The following CDC42SE2 variants were observed in gnomAD, a reference collection of about 807,000 sequenced individuals.
CDC42SE2 encodes CDC42 small effector protein 2.
A neutral mutation model predicts 11.5 loss-of-function variants in CDC42SE2; 3 were observed. The observed-to-expected ratio is 0.26, with a 90% CI of 0.12 to 0.67. CDC42SE2 has a LOEUF of 0.67. CDC42SE2 is among the 30% of genes least tolerant of loss of function. The probability of loss-of-function intolerance (pLI) is 0.80; values close to 1 mark genes in which losing one functional copy is unlikely to be tolerated. For missense variants in CDC42SE2, 82 were observed against 106.8 expected, an observed-to-expected ratio of 0.77 and a Z score of 1.02; for synonymous variants, 33 against 34.8, an observed-to-expected ratio of 0.95 and a Z score of 0.18.
upstream of CDC42SE2, among the ~76,000 whole-genome samples, chr5:131,262,264 G>A (rs1179504832): frequency 4.0e-5 from 6 of 151,438 alleles, no homozygotes; most frequent in East Asian, 1.2e-3. Context: ...AAATAGGATT[G>A]TAGCGTATCA....
chr5:131,252,846 C>T (rs149958460), intron 1 of CDC42SE2, among the ~76,000 whole-genome samples: 166 of 152,328 alleles, frequency 1.1e-3, no homozygotes, highest in African/African-American at 3.7e-3. Flanking sequence ...TTTCAACTTT[C>T]CCTCCATTCT....
intron 3 of CDC42SE2, among the ~76,000 whole-genome samples, chr5:131,369,222 GTATATT>G (rs1316540671): frequency 1.3e-5 from 2 of 152,014 alleles, no homozygotes; most frequent in Admixed American, 1.3e-4. Flanking sequence ...TCATCCAATG[GTATATT>G]TATAAGATTG....
intron 1 of CDC42SE2, among the ~76,000 whole-genome samples, chr5:131,302,500 A>C (rs1017482201): frequency 6.6e-6 from 1 of 151,866 alleles, no homozygotes; most frequent in Admixed American, 6.6e-5. Flanking sequence ...TTTTTAATAG[A>C]GACGGGGGTT....
chr5:131,351,456 A>T (rs984679837), intron 2 of CDC42SE2, among the ~76,000 whole-genome samples: 3 of 152,022 alleles, frequency 2.0e-5, no homozygotes, highest in Non-Finnish European at 2.9e-5. Context: ...GGGTTTCACC[A>T]TGTTAGCCAG....
chr5:131,297,880 A>G (rs1043062130), intron 1 of CDC42SE2, among the ~76,000 whole-genome samples: 1 of 152,076 alleles, frequency 6.6e-6, no homozygotes, highest in Middle Eastern at 3.2e-3. Context: ...CACAGGGTCA[A>G]ATAAAAACTA....
chr5:131,225,557 A>C, the CDC42SE2 span, among the ~76,000 whole-genome samples: 2 of 152,196 alleles, frequency 1.3e-5, no homozygotes, highest in Admixed American at 6.5e-5. Context: ...GGGACTTTGG[A>C]AATTGGCATG....
intron 1 of CDC42SE2, among the ~76,000 whole-genome samples, chr5:131,312,836 G>A (rs928722122): frequency 1.3e-5 from 2 of 152,122 alleles, no homozygotes; most frequent in Non-Finnish European, 2.9e-5. Context: ...CTGCGCCCAC[G>A]ATCTGGCTCT....
At chr5:131,273,821 A>C (rs1757045644) in intron 1 of CDC42SE2, among the ~76,000 whole-genome samples, 1 of 151,352 alleles carries the variant, frequency 6.6e-6, no homozygotes, top group Non-Finnish European at 1.5e-5. Flanking sequence ...CTCATCCTCC[A>C]GGCTGGAGTA....
intron 4 of CDC42SE2, among the ~76,000 whole-genome samples, chr5:131,386,453 G>A (rs1223557487): frequency 1.3e-5 from 2 of 152,216 alleles, no homozygotes; most frequent in Non-Finnish European, 2.9e-5. Flanking sequence ...ACTAAGCATA[G>A]GATTAGAATT....
chr5:131,277,743 C>T (rs1426965374), intron 1 of CDC42SE2, among the ~76,000 whole-genome samples: 1 of 152,196 alleles, frequency 6.6e-6, no homozygotes, highest in East Asian at 1.9e-4. Context: ...TTTCCAATCT[C>T]AGCTTAAATA....
At position 131,380,272 on chromosome 5, in the gene CDC42SE2, C is replaced by G. The variant is rs193006593; in HGVS notation, c.55-5271C>G. Among the ~76,000 whole-genome samples, 5 of 152,238 alleles carry G rather than the reference C, an allele frequency of 3.3e-5. No individual in the cohort carries two copies. The East Asian group carries it at 9.7e-4, about 29-fold the overall frequency. Reference sequence around the variant, plus strand: ...ATAAAACCCTTGCCCCCCTCCCACTCTTCCAGAGCCCCAAGTCCATTTGAT... The same window carrying G: ...ATAAAACCCTTGCCCCCCTCCCACTGTTCCAGAGCCCCAAGTCCATTTGAT... On this transcript the variant is annotated intron_variant, in intron 3 of 4. Transcript: ENST00000505065.
At chr5:131,273,819 C>T (rs1035339308) in intron 1 of CDC42SE2, among the ~76,000 whole-genome samples, 2 of 151,898 alleles carry the variant, frequency 1.3e-5, no homozygotes, top group African/African-American at 4.8e-5. Context: ...TGCTCATCCT[C>T]CAGGCTGGAG....
At chr5:131,233,960 C>A in the CDC42SE2 span, among the ~76,000 whole-genome samples, 1 of 152,178 alleles carries the variant, frequency 6.6e-6, no homozygotes, top group Non-Finnish European at 1.5e-5. Flanking sequence ...CCCTAAATGA[C>A]TTCATGGATC....
intron 3 of CDC42SE2, among the ~76,000 whole-genome samples, chr5:131,375,114 TAGAA>T (rs558792322): frequency 1.8e-4 from 27 of 151,652 alleles, no homozygotes; most frequent in Non-Finnish European, 1.2e-4. Flanking sequence ...TAATTTTAAA[TAGAA>T]GGAGAAAAAA....
chr5:131,282,541 C>CT (rs914005303), intron 1 of CDC42SE2, among the ~76,000 whole-genome samples: 23 of 151,538 alleles, frequency 1.5e-4, no homozygotes, highest in Admixed American at 1.3e-3. Context: ...AGGAAGTAAC[C>CT]TTTTTTTTTC....
intron 1 of CDC42SE2, among the ~76,000 whole-genome samples, chr5:131,310,060 T>C (rs1284145521): frequency 6.6e-6 from 1 of 152,234 alleles, no homozygotes; most frequent in Non-Finnish European, 1.5e-5. Context: ...TTTGGATCTT[T>C]CCTGCTTTCT....
intron 1 of CDC42SE2, among the ~76,000 whole-genome samples, chr5:131,297,031 G>A (rs183083009): frequency 6.6e-6 from 1 of 152,014 alleles, no homozygotes; most frequent in African/African-American, 2.4e-5. Flanking sequence ...TCTCTAAGTT[G>A]TAAAATAAAA....
chr5:131,251,979 C>A (rs1359540153), intron 1 of CDC42SE2, among the ~76,000 whole-genome samples: 3 of 151,200 alleles, frequency 2.0e-5, no homozygotes. Flanking sequence ...TGTGCCACTG[C>A]ACTACAGCCT....
At chr5:131,334,731 A>C (rs1195502928) in intron 2 of CDC42SE2, among the ~76,000 whole-genome samples, 2 of 152,164 alleles carry the variant, frequency 1.3e-5, no homozygotes, top group Non-Finnish European at 2.9e-5. Context: ...CATTTCTTCT[A>C]GATTTTCTAG....
Sources: allele counts gnomAD v4.1 joint callset (sites outside exome capture counted in the v4.1 genomes callset), GRCh38; gene constraint gnomAD v4.1.1; transcripts MANE v1.5; gene names NCBI Gene and HGNC (gene_info 2026-07-23, HGNC 2026-07-21).